Variants in ZNF385D observed in about 807,000 individuals in gnomAD.
ZNF385D encodes zinc finger protein 385D, also known as zinc finger protein 659.
ZNF385D carries 15 observed loss-of-function variants against 35.8 expected under a neutral mutation model. The observed-to-expected ratio is 0.42, with a 90% confidence interval of 0.28 to 0.64. The LOEUF is 0.64. Among genes scored for constraint, ZNF385D ranks in the 30% least tolerant of loss-of-function variants. The pLI, the probability that ZNF385D is intolerant of heterozygous loss-of-function variation, is 0.23. For synonymous variants in ZNF385D, 212 were observed against 186.8 expected (o/e 1.13, Z -1.10); for missense variants, 474 against 494.6 (o/e 0.96, Z 0.39).
chr3:21,520,369 G>A (rs1707834536), intron 3 of ZNF385D, among the ~76,000 whole-genome samples: 1 of 152,148 alleles, frequency 6.6e-6, no homozygotes, highest in African/African-American at 2.4e-5. Context: ...TCTCTAAATA[G>A]TTGCCTATTA....
intron 3 of ZNF385D, among the ~76,000 whole-genome samples, chr3:22,161,137 A>G (rs770898482): frequency 6.6e-6 from 1 of 152,130 alleles, no homozygotes; most frequent in Admixed American, 6.6e-5. Flanking sequence ...AATGGCAAAT[A>G]TGAGTAAAAT....
chr3:22,092,366 C>T (rs993409179), intron 3 of ZNF385D, among the ~76,000 whole-genome samples: 1 of 152,180 alleles, frequency 6.6e-6, no homozygotes, highest in Non-Finnish European at 1.5e-5. Context: ...GCCTGTCCAG[C>T]CACATCCACA....
chr3:22,164,318 T>C (rs1476706956), intron 3 of ZNF385D, among the ~76,000 whole-genome samples: 2 of 144,012 alleles, frequency 1.4e-5, no homozygotes, highest in Non-Finnish European at 3.0e-5. Flanking sequence ...AACCTCTGCC[T>C]CCCGGGTTCA....
At chr3:21,788,484 G>C (rs1233491376) in intron 3 of ZNF385D, among the ~76,000 whole-genome samples, 2 of 152,130 alleles carry the variant, frequency 1.3e-5, no homozygotes, top group African/African-American at 4.8e-5. Flanking sequence ...GAATTACCTA[G>C]AGACAAATGT....
intron 2 of ZNF385D, among the ~76,000 whole-genome samples, chr3:21,618,230 A>G (rs1412309585): frequency 6.7e-6 from 1 of 149,812 alleles, no homozygotes. Flanking sequence ...CATTGTAAAT[A>G]TACTTAGAAG....
intron 3 of ZNF385D, among the ~76,000 whole-genome samples, chr3:22,074,870 C>T (rs1700390613): frequency 6.6e-6 from 1 of 151,824 alleles, no homozygotes; most frequent in Non-Finnish European, 1.5e-5. Flanking sequence ...TTCATGTGGA[C>T]TTTCTTCATT....
In ZNF385D at chr3:22,119,733, T is replaced by G. The variant is rs189150199; in HGVS notation, c.325+49084A>C. Among the ~76,000 whole-genome samples, 207 of 152,314 alleles carry G rather than the reference T, an allele frequency of 1.4e-3. 1 individual carries two copies. The highest frequency in any genetic ancestry group is 3.4e-3 in the Middle Eastern group (1 of 294). Reference sequence around the variant, plus strand: ...TGTTTTACTATCTCTCCAGTAGATTTTGTGTCACAGGATTCCCTGGGATTT... The same window carrying G: ...TGTTTTACTATCTCTCCAGTAGATTGTGTGTCACAGGATTCCCTGGGATTT... On this transcript the variant is annotated intron_variant, in intron 3 of 5. Transcript: ENST00000494108.
intron 2 of ZNF385D, among the ~76,000 whole-genome samples, chr3:22,281,761 G>GCC (rs1701754375): frequency 6.6e-6 from 1 of 152,010 alleles, no homozygotes; most frequent in Non-Finnish European, 1.5e-5. Flanking sequence ...TTCATAGAAT[G>GCC]ATTTAGGAAG....
intron 2 of ZNF385D, among the ~76,000 whole-genome samples, chr3:22,169,801 A>C (rs973319059): frequency 6.6e-6 from 1 of 152,084 alleles, no homozygotes; most frequent in Non-Finnish European, 1.5e-5. Flanking sequence ...TATGACATTT[A>C]TTTCTTTATT....
chr3:21,679,539 T>C (rs1241799145), intron 1 of ZNF385D, among the ~76,000 whole-genome samples: 2 of 151,860 alleles, frequency 1.3e-5, no homozygotes, highest in African/African-American at 4.8e-5. Context: ...AAATAAGACA[T>C]TGTTGCTTTG....
intron 3 of ZNF385D, among the ~76,000 whole-genome samples, chr3:22,145,772 G>A (rs557792782): frequency 1.3e-5 from 2 of 152,288 alleles, no homozygotes; most frequent in Non-Finnish European, 1.5e-5. Context: ...GCTTCAGAGA[G>A]TAGAGAGCCT....
intron 3 of ZNF385D, among the ~76,000 whole-genome samples, chr3:21,538,903 T>C (rs201327000): frequency 2.0e-5 from 3 of 152,094 alleles, no homozygotes; most frequent in East Asian, 1.9e-4. Context: ...TTGCCACTTA[T>C]GTTGGGGTGA....
chr3:21,894,894 C>T (rs907616968), intron 3 of ZNF385D, among the ~76,000 whole-genome samples: 6 of 150,876 alleles, frequency 4.0e-5, no homozygotes, highest in Admixed American at 3.3e-4. Context: ...TATAAAGTGA[C>T]CTCTACCAGG....
At chr3:22,038,583 C>G (rs988535685) in intron 3 of ZNF385D, among the ~76,000 whole-genome samples, 4 of 152,098 alleles carry the variant, frequency 2.6e-5, no homozygotes, top group African/African-American at 4.8e-5. Flanking sequence ...ACTAAAAGCA[C>G]AGTTTGAAAC....
intron 3 of ZNF385D, among the ~76,000 whole-genome samples, chr3:21,882,945 G>C (rs1001060801): frequency 1.3e-5 from 2 of 151,936 alleles, no homozygotes; most frequent in East Asian, 3.9e-4. Context: ...ATTGCATTTA[G>C]AATATTTACT....
chr3:21,908,459 AT>A (rs1204034446), intron 3 of ZNF385D, among the ~76,000 whole-genome samples: 2 of 152,102 alleles, frequency 1.3e-5, no homozygotes, highest in African/African-American at 4.8e-5. Flanking sequence ...AGGATAAATA[AT>A]AAAAATCCAA....
intron 2 of ZNF385D, among the ~76,000 whole-genome samples, chr3:21,593,730 T>C (rs1377882188): frequency 1.3e-5 from 2 of 150,782 alleles, no homozygotes; most frequent in Non-Finnish European, 3.0e-5. Flanking sequence ...AAAATTACAG[T>C]GAACAACAGG....
At chr3:22,107,479 T>TA (rs1392259192) in intron 3 of ZNF385D, among the ~76,000 whole-genome samples, 13 of 152,100 alleles carry the variant, frequency 8.5e-5, no homozygotes, top group African/African-American at 3.1e-4. Context: ...CTACTAATCT[T>TA]AAAAAACTCT....
chr3:21,438,256 T>C (rs1326293737), intron 4 of ZNF385D, among the ~76,000 whole-genome samples: 4 of 152,170 alleles, frequency 2.6e-5, no homozygotes, highest in Admixed American at 6.6e-5. Flanking sequence ...AGTTCTTAAC[T>C]TCCTCTCCAA....
Sources: gnomAD v4.1 joint callset for allele counts (sites outside exome capture counted in the v4.1 genomes callset) on GRCh38, gnomAD v4.1.1 for gene constraint, MANE v1.5 for transcripts, NCBI Gene and HGNC (gene_info 2026-07-23, HGNC 2026-07-21) for gene names.